CACNA1C: variants seen among roughly 807,000 people sequenced by gnomAD.
The protein encoded by CACNA1C is voltage-dependent L-type calcium channel subunit alpha-1C.
In CACNA1C, 30 loss-of-function variants were observed where a neutral mutation model predicts 229.0. The ratio of observed to expected loss-of-function variants is 0.13; its 90% CI spans 0.10 to 0.18. CACNA1C has a LOEUF of 0.18. CACNA1C is among the 10% of genes least tolerant of loss of function. CACNA1C has a pLI of 1.00. For missense variants in CACNA1C, 1,658 were observed against 2,845.0 expected, an observed-to-expected ratio of 0.58 and a Z score of 9.49; for synonymous variants, 1,114 against 1,132.5, an observed-to-expected ratio of 0.98 and a Z score of 0.33.
At chr12:2,567,127 G>A (rs1439716937) in intron 12 of CACNA1C, among the ~76,000 whole-genome samples, 1 of 152,240 alleles carries the variant, frequency 6.6e-6, no homozygotes, top group Non-Finnish European at 1.5e-5. Flanking sequence ...AGAAGACCTG[G>A]CCCCATCCTC....
intron 3 of CACNA1C, among the ~76,000 whole-genome samples, chr12:2,255,260 C>G (rs2076973489): frequency 6.8e-6 from 1 of 146,654 alleles, no homozygotes; most frequent in African/African-American, 2.5e-5. Flanking sequence ...GCTCAGCATT[C>G]TGCTGCAGAA....
At chr12:1,998,273 T>C (rs1359950844) in intron 1 of CACNA1C, among the ~76,000 whole-genome samples, 1 of 152,204 alleles carries the variant, frequency 6.6e-6, no homozygotes. Flanking sequence ...AGAAAATAAG[T>C]GTGCTATGCG....
intron 3 of CACNA1C, among the ~76,000 whole-genome samples, chr12:2,124,761 T>TA (rs2089255290): frequency 6.6e-6 from 1 of 151,934 alleles, no homozygotes; most frequent in Admixed American, 6.6e-5. Context: ...AGGATGGTGA[T>TA]ACGAGGAGCC....
At chr12:2,672,984 G>A (rs887757682) in intron 38 of CACNA1C, among the ~76,000 whole-genome samples, 8 of 152,122 alleles carry the variant, frequency 5.3e-5, no homozygotes, top group African/African-American at 1.9e-4. Context: ...TGGGGAGCTC[G>A]GGATTCCGTC....
At chr12:2,213,269 AATCCCTC>A (rs2097987828) in intron 3 of CACNA1C, among the ~76,000 whole-genome samples, 1 of 151,910 alleles carries the variant, frequency 6.6e-6, no homozygotes, top group Non-Finnish European at 1.5e-5. Context: ...GGGAAGGAAA[AATCCCTC>A]CCAGGGATTT....
Position 2,605,037 on chromosome 12 carries a change from A to G in CACNA1C, c.2961-44A>G, listed in dbSNP as rs2153424146. ...TTACCACATTATTTTTGCTCCCCCC[A>G]GAAACAGGAGGAGCTTACTACCCTG... On this transcript the variant is annotated intron_variant, in intron 22 of 46. Transcript: ENST00000399655. This position sits in a 1 kb window ranked among gnomAD's most constrained non-coding sequence, Gnocchi z 6.2. The G allele has an allele frequency of 7.0e-7, 1 of 1,435,376 alleles. No individual in the cohort carries two copies. Among genetic ancestry groups the G allele is most frequent in the Non-Finnish European group, 9.8e-7 (1 of 1,017,066 alleles). 88.9% of individuals were successfully genotyped at this position (1,435,376 alleles called of 1,614,324 possible). A position where few individuals can be genotyped will look rare whatever the true frequency, so the allele number is the denominator to read the frequency against.
At chr12:2,324,445 G>A (rs1354070372) in intron 3 of CACNA1C, among the ~76,000 whole-genome samples, 3 of 152,206 alleles carry the variant, frequency 2.0e-5, no homozygotes, top group Non-Finnish European at 2.9e-5. Flanking sequence ...CAGATGACAC[G>A]CTGGAGTTGT....
chr12:2,018,670 T>G (rs1019143382), intron 1 of CACNA1C, among the ~76,000 whole-genome samples: 3 of 152,194 alleles, frequency 2.0e-5, no homozygotes, highest in Non-Finnish European at 4.4e-5. Context: ...CCCTCTGTCT[T>G]AATAAGCACA....
Position 2,292,143 on chromosome 12 carries a change from C to T in CACNA1C, c.478-156833C>T, listed in dbSNP as rs755266419. On this transcript the variant is annotated intron_variant, in intron 3 of 46. Transcript: ENST00000399655. ...AAGTGCCAGGCCTTGTGCTGGCTCC[C>T]GGGGAGGCAAAGAAACATAGAACAT... Among the ~76,000 whole-genome samples, 6 of 152,250 alleles carry T rather than the reference C, an allele frequency of 3.9e-5. No individual in the cohort carries two copies. In the South Asian group the frequency reaches 6.2e-4, roughly 16 times the overall value.
chr12:2,171,197 C>T (rs879362314), intron 3 of CACNA1C, among the ~76,000 whole-genome samples: 2 of 152,210 alleles, frequency 1.3e-5, no homozygotes, highest in Non-Finnish European at 2.9e-5. Context: ...CAGGGCGATA[C>T]AGTCTGTAGC....
At chr12:2,638,480 G>A (rs1483086477) in intron 30 of CACNA1C, among the ~76,000 whole-genome samples, 1 of 152,164 alleles carries the variant, frequency 6.6e-6, no homozygotes, top group Non-Finnish European at 1.5e-5. Context: ...GCAAGAAGGG[G>A]ACATACTGGT....
chr12:2,182,160 G>A (rs891954317), intron 3 of CACNA1C, among the ~76,000 whole-genome samples: 2 of 149,194 alleles, frequency 1.3e-5, no homozygotes, highest in Non-Finnish European at 1.5e-5. Flanking sequence ...AAAAAATGAC[G>A]GTACCAACCT....
chr12:2,092,192 G>A (rs1203646959), intron 1 of CACNA1C, among the ~76,000 whole-genome samples: 2 of 152,158 alleles, frequency 1.3e-5, no homozygotes, highest in African/African-American at 2.4e-5. Flanking sequence ...GGGCGCGAAG[G>A]CACTGCTTTA....
chr12:2,284,153 C>T (rs1389060299), intron 3 of CACNA1C, among the ~76,000 whole-genome samples: 4 of 152,144 alleles, frequency 2.6e-5, no homozygotes, highest in Non-Finnish European at 4.4e-5. Context: ...GAGGCTCTGC[C>T]GGGCTGCATG....
At position 2,285,990 on chromosome 12, in the gene CACNA1C, A is replaced by T. The variant is rs2092618178; in HGVS notation, c.478-162986A>T. Among the ~76,000 whole-genome samples, 2 of 152,128 alleles carry T rather than the reference A, an allele frequency of 1.3e-5. No homozygotes were observed. The highest frequency in any genetic ancestry group is 4.8e-5 in the African/African-American group (2 of 41,426). On this transcript the variant is annotated intron_variant, in intron 3 of 46. Transcript: ENST00000399655. This position sits in a 1 kb window ranked among gnomAD's most constrained non-coding sequence, Gnocchi z 4.2. ...GAGGCCCAGGGACATTTCCCAGGGGATGAACTCTAACTAAAAATGAAGGTC... is the reference window on the plus strand; with the variant it reads ...GAGGCCCAGGGACATTTCCCAGGGGTTGAACTCTAACTAAAAATGAAGGTC...
chr12:2,088,188 C>T (rs988839414), intron 1 of CACNA1C, among the ~76,000 whole-genome samples: 3 of 152,192 alleles, frequency 2.0e-5, no homozygotes, highest in Admixed American at 6.5e-5. Context: ...TTTATTTCTC[C>T]GTATGCTGGT....
At chr12:2,392,516 G>A (rs747548894) in intron 3 of CACNA1C, among the ~76,000 whole-genome samples, 4 of 152,100 alleles carry the variant, frequency 2.6e-5, no homozygotes, top group African/African-American at 7.2e-5. Flanking sequence ...TCCATCAGCC[G>A]GGGGTGGGTT....
chr12:2,688,844 G>A, intron 46 of CACNA1C, 65 bp downstream of exon 46: 3 of 1,291,024 alleles, frequency 2.3e-6, no homozygotes, highest in East Asian at 2.5e-5. Flanking sequence ...GGCATGCGGG[G>A]CTGAGAAGGG....
intron 3 of CACNA1C, among the ~76,000 whole-genome samples, chr12:2,420,707 G>A (rs770586777): frequency 6.6e-6 from 1 of 152,240 alleles, no homozygotes; most frequent in Non-Finnish European, 1.5e-5. Context: ...TGAGCATCCA[G>A]CAGCAGCCTG....
Sources: gnomAD v4.1 joint callset for allele counts (sites outside exome capture counted in the v4.1 genomes callset) on GRCh38, gnomAD v4.1.1 for gene constraint, Gnocchi (gnomAD v3.1) non-coding constraint, MANE v1.5 for transcripts, NCBI Gene and HGNC (gene_info 2026-07-23, HGNC 2026-07-21) for gene names.